ARAP2: variants seen among roughly 807,000 people sequenced by gnomAD.
The protein encoded by ARAP2 is arf-GAP with Rho-GAP domain, ANK repeat and PH domain-containing protein 2.
Under a neutral mutation model 194.5 loss-of-function variants are expected in ARAP2, and 148 were observed. The observed-to-expected ratio is 0.76, with a 90% confidence interval of 0.67 to 0.87. ARAP2 has a LOEUF of 0.87. ARAP2 is among the 40% of genes least tolerant of loss of function. The probability of loss-of-function intolerance (pLI) is 0.00; values close to 1 mark genes in which losing one functional copy is unlikely to be tolerated. For missense variants in ARAP2, 2,128 were observed against 1,989.7 expected (o/e 1.07, Z -1.32); for synonymous variants, 695 against 683.5 (o/e 1.02, Z -0.26).
chr4:36,094,215 A>G (rs1714562739), intron 27 of ARAP2, among the ~76,000 whole-genome samples: 1 of 152,166 alleles, frequency 6.6e-6, no homozygotes, highest in Non-Finnish European at 1.5e-5. Flanking sequence ...ATTTCTCAAA[A>G]GTTTGATGAC....
intron 9 of ARAP2, among the ~76,000 whole-genome samples, chr4:36,175,358 C>T (rs2109841208): frequency 1.3e-5 from 2 of 152,336 alleles, no homozygotes; most frequent in Middle Eastern, 6.8e-3. Context: ...ACCCTTTACT[C>T]AGCATGTCAC....
intron 16 of ARAP2, among the ~76,000 whole-genome samples, 181 bp from the exon 17 acceptor site, chr4:36,148,688 G>C (rs565381310): frequency 4.6e-5 from 7 of 152,106 alleles, no homozygotes; most frequent in Admixed American, 2.0e-4. Context: ...GAACACACTG[G>C]ATTGGACAAA....
intron 13 of ARAP2, 108 bp downstream of exon 13, chr4:36,160,351 T>A: frequency 7.9e-7 from 1 of 1,268,232 alleles, no homozygotes; most frequent in Non-Finnish European, 1.0e-6. Context: ...AAAATAAAAT[T>A]AATAATTTTG....
intron 21 of ARAP2, 95 bp downstream of exon 21, chr4:36,128,438 T>A: frequency 1.1e-6 from 1 of 923,686 alleles, no homozygotes; most frequent in Non-Finnish European, 1.6e-6. Context: ...GTTTAAAGTC[T>A]AAGTATTAAA....
At chr4:36,030,615 GT>G (rs896218553) in intron 5 of ARAP2, among the ~76,000 whole-genome samples, 4 of 151,912 alleles carry the variant, frequency 2.6e-5, no homozygotes, top group African/African-American at 9.7e-5. Flanking sequence ...TTAAGGTTTG[GT>G]TTTGTTTTCT....
At chr4:36,108,352 C>G (rs899170783) in intron 26 of ARAP2, among the ~76,000 whole-genome samples, 2 of 151,938 alleles carry the variant, frequency 1.3e-5, no homozygotes, top group Non-Finnish European at 2.9e-5. Context: ...TTTATCCCAA[C>G]AAGATCAAAC....
At chr4:36,079,862 T>C (rs1025071287) in intron 31 of ARAP2, among the ~76,000 whole-genome samples, 2 of 152,074 alleles carry the variant, frequency 1.3e-5, no homozygotes, top group East Asian at 1.9e-4. Context: ...AGAAGGGAAA[T>C]AGAACACTTT....
chr4:36,140,504 A>G (rs1462169510), intron 19 of ARAP2, among the ~76,000 whole-genome samples: 2 of 151,748 alleles, frequency 1.3e-5, no homozygotes, highest in Admixed American at 1.3e-4. Context: ...TTAAATCATC[A>G]GAAAGTTACA....
chr4:36,213,448 A>G, intron 3 of ARAP2, 129 bp from the exon 4 acceptor site: 1 of 623,940 alleles, frequency 1.6e-6, no homozygotes. Flanking sequence ...GTAAGAGTCC[A>G]AATTATGCTA....
At chr4:36,049,673 T>G (rs1722357002) in intron 3 of ARAP2, among the ~76,000 whole-genome samples, 1 of 152,164 alleles carries the variant, frequency 6.6e-6, no homozygotes, top group South Asian at 2.1e-4. Flanking sequence ...TGAAATGAGA[T>G]GAGTGAAGCC....
intron 1 of ARAP2, among the ~76,000 whole-genome samples, chr4:36,241,319 T>C (rs546551398): frequency 3.0e-4 from 46 of 152,228 alleles, no homozygotes; most frequent in Non-Finnish European, 6.0e-4. Context: ...TTTATTCCTA[T>C]TGGTTTAGCA....
In ARAP2 at chr4:36,159,475, C is replaced by T. The variant is rs1733402095; in HGVS notation, c.2473G>A (p.Val825Ile). Residue 825 changes from valine to isoleucine, a missense_variant, in exon 14 of 33, where the codon GTT (valine) becomes ATT (isoleucine). Val to Ile is a conservative substitution (Grantham distance 29). Transcript: ENST00000303965. ...AACAGCAAAGCCATTGTTTCTAGAA[C>T]ATCCGGTTTCACTACAGCAGCACAT... Reference protein sequence around the residue: ...ALCAAVVKPDVLETMALLFSG... With the variant: ...ALCAAVVKPDILETMALLFSG... 4 of 1,589,298 alleles carry T rather than the reference C, an allele frequency of 2.5e-6. No homozygotes were observed. Among genetic ancestry groups the T allele is most frequent in the Middle Eastern group, 1.7e-4 (1 of 5,970 alleles).
intron 4 of ARAP2, among the ~76,000 whole-genome samples, chr4:36,212,689 T>C (rs1038236515): frequency 2.6e-5 from 4 of 151,978 alleles, no homozygotes; most frequent in African/African-American, 9.7e-5. Context: ...TTCACTATTT[T>C]ATTCAAATCG....
At chr4:36,050,219 C>T (rs1458079504) in intron 3 of ARAP2, among the ~76,000 whole-genome samples, 1 of 152,144 alleles carries the variant, frequency 6.6e-6, no homozygotes, top group Non-Finnish European at 1.5e-5. Flanking sequence ...ATTCTAAATA[C>T]ATACAGCATG....
chr4:36,101,704 A>G (rs1716977534), intron 27 of ARAP2, among the ~76,000 whole-genome samples: 1 of 152,000 alleles, frequency 6.6e-6, no homozygotes, highest in Non-Finnish European at 1.5e-5. Context: ...AGGTTATATC[A>G]TCTTATTGAC....
At chr4:36,050,333 GT>G (rs1245859517) in intron 3 of ARAP2, among the ~76,000 whole-genome samples, 2 of 152,114 alleles carry the variant, frequency 1.3e-5, no homozygotes, top group African/African-American at 2.4e-5. Flanking sequence ...TTACCTTTAG[GT>G]TTAGCCAATT....
intron 15 of ARAP2, 30 bp from the exon 16 acceptor site, chr4:36,151,074 A>G: frequency 6.4e-7 from 1 of 1,566,190 alleles, no homozygotes; most frequent in Non-Finnish European, 8.6e-7. Context: ...CAAATAACAA[A>G]TTGAGCTAAT....
At chr4:36,014,716 T>C (rs1489939342) in intron 8 of ARAP2, among the ~76,000 whole-genome samples, 1 of 152,166 alleles carries the variant, frequency 6.6e-6, no homozygotes, top group Non-Finnish European at 1.5e-5. Flanking sequence ...ATAATTCATA[T>C]GTTGAAGTCC....
At chr4:36,048,927 T>C (rs1200526918) in intron 3 of ARAP2, among the ~76,000 whole-genome samples, 3 of 152,156 alleles carry the variant, frequency 2.0e-5, no homozygotes, top group Admixed American at 6.5e-5. Flanking sequence ...TGGTGTAAGA[T>C]GGTATCTTGT....
Sources: gnomAD v4.1 joint callset for allele counts (sites outside exome capture counted in the v4.1 genomes callset) on GRCh38, gnomAD v4.1.1 for gene constraint, MANE v1.5 for transcripts, NCBI Gene and HGNC (gene_info 2026-07-23, HGNC 2026-07-21) for gene names.